GNL2: variants seen among roughly 807,000 people sequenced by gnomAD.
GNL2 encodes G protein nucleolar 2.
In GNL2, 51 loss-of-function variants were observed where a neutral mutation model predicts 92.3. The ratio of observed to expected loss-of-function variants is 0.55; its 90% confidence interval spans 0.44 to 0.70. GNL2 has a LOEUF of 0.70. Ranked by LOEUF, GNL2 falls within the 30% of genes least tolerant of loss-of-function variation. The pLI is 0.00. For missense variants in GNL2, 844 were observed against 895.6 expected (o/e 0.94, Z 0.74); for synonymous variants, 283 against 300.6 (o/e 0.94, Z 0.61).
chr1:37,593,905 G>T, intron 1 of GNL2, 59 bp from the exon 2 acceptor site: 1 of 1,262,924 alleles, frequency 7.9e-7, no homozygotes, highest in Non-Finnish European at 1.1e-6. Context: ...TAACCAACAA[G>T]TCATTGCTTA....
rs1643557705 is a variant in GNL2 at position 37,569,228 on chromosome 1, A to G, written c.1491T>C (p.Thr497=). ...TGATGGATTCTGACCCTTCACCTGC[A>G]GTTTCTGTGACTTCCTCCCCTGGAT... ...QNNPGEEVTE[T]AGEGSESIIK... is the part of the protein sequence containing the mutation. Residue 497 remains threonine (T), a synonymous_variant, in exon 13 of 16, where the codon ACT becomes ACC. Transcript: ENST00000373062. 3.1e-6 allele frequency: 5 copies of G among 1,613,860 alleles called. No individual in the cohort carries two copies. The highest frequency in any genetic ancestry group is 4.2e-6 in the Non-Finnish European group (5 of 1,179,936).
rs1200285102 is a variant in GNL2 at position 37,592,788 on chromosome 1, T to A, written c.168A>T (p.Ile56=). The change falls in exon 3 of 16, where the codon ATA becomes ATT. Residue 56 remains isoleucine (I), a synonymous_variant. Coordinates refer to ENST00000373062, the MANE Select transcript of GNL2 (RefSeq NM_013285.3). ...TTGATTGATATTGCAGGGGTTTAATTATTTTACCACGACTGTTCCTAAATT... is the reference window on the plus strand; with the variant it reads ...TTGATTGATATTGCAGGGGTTTAATAATTTTACCACGACTGTTCCTAAATT... ...QKERRNSRGK[I]IKPLQYQSTV... 1 of 1,601,408 alleles carries A rather than the reference T, an allele frequency of 6.2e-7. No homozygotes were observed. Among genetic ancestry groups the A allele is most frequent in the East Asian group, 2.2e-5 (1 of 44,814 alleles).
intron 12 of GNL2, chr1:37,570,686 A>G (rs1643580871): frequency 6.6e-6 from 1 of 152,190 alleles, no homozygotes; most frequent in African/African-American, 2.4e-5. Flanking sequence ...AGCCAAAACA[A>G]TTTCTGTTCA....
intron 8 of GNL2, chr1:37,581,244 G>T: frequency 2.5e-6 from 1 of 406,840 alleles, no homozygotes; most frequent in South Asian, 1.8e-5. Flanking sequence ...GGAAGCATTT[G>T]CTTCTGTAAA....
At chr1:37,592,858 C>G in intron 2 of GNL2, 52 bp from the exon 3 acceptor site, 1 of 998,308 alleles carries the variant, frequency 1.0e-6, no homozygotes, top group Non-Finnish European at 1.6e-6. Flanking sequence ...ATGGCAACAG[C>G]GAAGTTTGAT....
chr1:37,568,463 C>T, intron 13 of GNL2, 106 bp from the exon 14 acceptor site: 1 of 708,862 alleles, frequency 1.4e-6, no homozygotes, highest in Non-Finnish European at 2.5e-6. Flanking sequence ...CCACTCCTAT[C>T]CAAGTAGTTA....
Position 37,580,675 on chromosome 1 carries a change from C to T in GNL2, c.909+1548G>A, listed in dbSNP as rs538260011. Among the ~76,000 whole-genome samples, 9 of 152,306 alleles carry T rather than the reference C, an allele frequency of 5.9e-5. No homozygotes were observed. In the East Asian group the frequency reaches 1.2e-3, roughly 20 times the overall value. On this transcript the variant is annotated intron_variant, in intron 8 of 15. Coordinates refer to ENST00000373062, the MANE Select transcript of GNL2 (RefSeq NM_013285.3). ...GCAGCCTGGAGAGCGGCCAGCCCTG[C>T]GGAGGACGGAGTGCTGGCCACCGAA...
chr1:37,584,806 G>A (rs1240793928), intron 5 of GNL2, among the ~76,000 whole-genome samples: 1 of 151,996 alleles, frequency 6.6e-6, no homozygotes, highest in Non-Finnish European at 1.5e-5. Context: ...AGAAGAGCTG[G>A]GCACAGTGGC....
At chr1:37,595,713 T>G in intron 1 of GNL2, 46 bp downstream of exon 1, 1 of 1,549,230 alleles carries the variant, frequency 6.5e-7, no homozygotes, top group African/African-American at 1.4e-5. Context: ...AGCCCTTCCC[T>G]ATACTTCCTC....
At chr1:37,590,639 T>C in intron 4 of GNL2, 67 bp downstream of exon 4, 10 of 1,282,246 alleles carry the variant, frequency 7.8e-6, no homozygotes, top group South Asian at 1.2e-5. Context: ...AAGACAAATA[T>C]GTTAGAGAGG....
chr1:37,568,671 GGA>G (rs750576799), intron 13 of GNL2, among the ~76,000 whole-genome samples, 178 bp downstream of exon 13: 1 of 152,162 alleles, frequency 6.6e-6, no homozygotes, highest in Non-Finnish European at 1.5e-5. Context: ...CTTGAACCCA[GGA>G]GAGTGAGGCC....
At position 37,568,878 on chromosome 1, in the gene GNL2, G is replaced by T. The variant is rs1213731179; in HGVS notation, c.1841C>A (p.Ala614Asp). The change falls in exon 13 of 16, where the codon GCC (alanine) becomes GAC (aspartate). Residue 614 changes from alanine to aspartate, a missense_variant. Coordinates refer to ENST00000373062, the MANE Select transcript of GNL2 (RefSeq NM_013285.3). ...GACTGCTGAAAACTTTTTGGCTTTG[G>T]CTTTGTCTAGAAACTTCTGATATTT... ...IAKYQKFLDKAKAKKFSAVRI... is the reference protein window; with the variant it reads ...IAKYQKFLDKDKAKKFSAVRI... 1.1e-5 allele frequency: 18 copies of T among 1,612,660 alleles called. No individual in the cohort carries two copies. Among genetic ancestry groups the T allele is most frequent in the African/African-American group, 1.3e-5 (1 of 74,806 alleles).
At chr1:37,574,265 G>A (rs148065418) in intron 12 of GNL2, 78 bp downstream of exon 12, 2 of 790,972 alleles carry the variant, frequency 2.5e-6, no homozygotes, top group East Asian at 5.3e-5. Flanking sequence ...CACGCTCTAT[G>A]AAGAGAGACA....
In GNL2 at chr1:37,590,787, TG is replaced by T; in HGVS notation, c.302del (p.Thr101LysfsTer3). The T allele has an allele frequency of 6.2e-7, 1 of 1,600,212 alleles. No homozygotes were observed. The highest frequency in any genetic ancestry group is 8.5e-7 in the Non-Finnish European group (1 of 1,170,878). Reference sequence around the variant, plus strand: ...CAACTTTGTATGGATCCTTCATAACTGTATCCATTTCCTCTTGAAATTTTTG... The same window carrying T: ...CAACTTTGTATGGATCCTTCATAACTTATCCATTTCCTCTTGAAATTTTTG... Reference protein sequence around the residue: ...SLQKFQEEMDTVMKDPYKVVM... With the variant: ...SLQKFQEEMDXVMKDPYKVVM... On this transcript the variant is annotated frameshift_variant, in exon 4 of 16. Coordinates refer to ENST00000373062, the MANE Select transcript of GNL2 (RefSeq NM_013285.3). LOFTEE classifies it high-confidence loss of function.
chr1:37,585,621 A>G (rs1235090304), intron 5 of GNL2, among the ~76,000 whole-genome samples: 2 of 152,230 alleles, frequency 1.3e-5, no homozygotes, highest in African/African-American at 4.8e-5. Flanking sequence ...CTGTTGCGGA[A>G]GGAAAAATTC....
chr1:37,584,428 C>T (rs911307919), intron 5 of GNL2, among the ~76,000 whole-genome samples: 1 of 133,706 alleles, frequency 7.5e-6, no homozygotes, highest in Non-Finnish European at 1.6e-5. Flanking sequence ...GCCTGGGTGA[C>T]AGAGCAAGAC....
chr1:37,574,511 C>T (rs1643646103), intron 11 of GNL2, 55 bp from the exon 12 acceptor site: 2 of 1,486,290 alleles, frequency 1.3e-6, no homozygotes, highest in Non-Finnish European at 1.9e-6. Context: ...AACCACCTAC[C>T]ACTTTGGGGG....
chr1:37,575,443 A>G lies in GNL2; in HGVS notation c.1143+152T>C, dbSNP rs1570054190. The G allele has an allele frequency of 2.0e-6, 1 of 509,604 alleles. No individual in the cohort carries two copies. The allele number at this position is 509,604 out of a possible 1,614,324, so 31.6% of individuals were successfully genotyped here. A position where few individuals can be genotyped will look rare whatever the true frequency, so the allele number is the denominator to read the frequency against. ...CTAATTCCTCAAACAGCTTATGCTGAGAGGCTGCTGTTCAGCATCATGTTC... is the reference window on the plus strand; with the variant it reads ...CTAATTCCTCAAACAGCTTATGCTGGGAGGCTGCTGTTCAGCATCATGTTC... On this transcript the variant is annotated intron_variant, in intron 10 of 15. Transcript: ENST00000373062. The surrounding 1 kb of genome is among the most constrained non-coding windows in gnomAD (Gnocchi z 4.1).
At chr1:37,579,411 G>A (rs955691708) in intron 8 of GNL2, among the ~76,000 whole-genome samples, 15 of 152,238 alleles carry the variant, frequency 9.9e-5, no homozygotes, top group Admixed American at 9.8e-4. Context: ...GCCAAGTGTG[G>A]TGGCACATGC....
Sources: allele counts gnomAD v4.1 joint callset (sites outside exome capture counted in the v4.1 genomes callset), GRCh38; gene constraint gnomAD v4.1.1; non-coding constraint Gnocchi (gnomAD v3.1); transcripts MANE v1.5; gene names NCBI Gene and HGNC (gene_info 2026-07-23, HGNC 2026-07-21).